The following PTPRD variants were observed in gnomAD, a reference collection of about 807,000 sequenced individuals.
PTPRD encodes the protein protein tyrosine phosphatase receptor type D, also known as receptor-type tyrosine-protein phosphatase delta.
A neutral mutation model predicts 214.5 loss-of-function variants in PTPRD; 34 were observed. The observed-to-expected ratio is 0.16, with a 90% CI of 0.12 to 0.21. PTPRD has a LOEUF of 0.21. Ranked by LOEUF, PTPRD falls within the 10% of genes least tolerant of loss-of-function variation. The pLI, the probability that PTPRD is intolerant of heterozygous loss-of-function variation, is 1.00. For missense variants in PTPRD, 2,545 were observed against 2,398.7 expected (o/e 1.06, Z -1.27); for synonymous variants, 1,128 against 845.7 (o/e 1.33, Z -5.79).
intron 9 of PTPRD, among the ~76,000 whole-genome samples, chr9:9,315,377 C>G (rs1417376663): frequency 6.6e-6 from 1 of 151,822 alleles, no homozygotes; most frequent in Non-Finnish European, 1.5e-5. Context: ...AATATTGCTA[C>G]AAAGTAGATA....
intron 5 of PTPRD, among the ~76,000 whole-genome samples, chr9:9,782,698 G>T (rs544465778): frequency 1.3e-5 from 2 of 152,222 alleles, no homozygotes; most frequent in South Asian, 4.1e-4. Flanking sequence ...GAAACAAAAG[G>T]TTATGTGGGA....
At chr9:9,409,331 A>AT (rs1263954584) in intron 8 of PTPRD, among the ~76,000 whole-genome samples, 1 of 151,962 alleles carries the variant, frequency 6.6e-6, no homozygotes, top group Non-Finnish European at 1.5e-5. Context: ...GAATTAGGTA[A>AT]TTTTTTATGC....
At chr9:8,695,558 T>C (rs1242735756) in intron 12 of PTPRD, among the ~76,000 whole-genome samples, 1 of 152,162 alleles carries the variant, frequency 6.6e-6, no homozygotes, top group Non-Finnish European at 1.5e-5. Context: ...CCAATTTATA[T>C]TCCAAGGAGT....
intron 11 of PTPRD, among the ~76,000 whole-genome samples, chr9:8,940,119 T>C (rs2099022153): frequency 1.3e-5 from 2 of 151,262 alleles, no homozygotes. Context: ...TTTCAGACTG[T>C]AGAATGTCCT....
At chr9:9,367,819 G>A (rs1263470042) in intron 9 of PTPRD, among the ~76,000 whole-genome samples, 1 of 151,650 alleles carries the variant, frequency 6.6e-6, no homozygotes, top group Non-Finnish European at 1.5e-5. Flanking sequence ...AAGAAAAGGT[G>A]ACATTTGTAC....
intron 4 of PTPRD, among the ~76,000 whole-genome samples, chr9:9,977,396 G>T (rs1210963943): frequency 1.3e-5 from 2 of 152,100 alleles, no homozygotes; most frequent in Non-Finnish European, 2.9e-5. Context: ...TATTTCTGAA[G>T]GAGGAGAGCC....
At chr9:10,153,218 A>T (rs972070488) in intron 3 of PTPRD, among the ~76,000 whole-genome samples, 3 of 152,120 alleles carry the variant, frequency 2.0e-5, no homozygotes, top group Admixed American at 6.6e-5. Flanking sequence ...TGTTAATTTG[A>T]TTTAATTATA....
intron 11 of PTPRD, among the ~76,000 whole-genome samples, chr9:8,762,034 G>C (rs571030624): frequency 2.6e-5 from 4 of 152,278 alleles, no homozygotes; most frequent in African/African-American, 4.8e-5. Context: ...GGAAAAGTGA[G>C]TAGGGAGATT....
chr9:10,550,230 T>A (rs1566884093), intron 2 of PTPRD, among the ~76,000 whole-genome samples: 2 of 152,240 alleles, frequency 1.3e-5, no homozygotes, highest in African/African-American at 4.8e-5. Context: ...TCCCCTTTGC[T>A]AAACTATTAA....
intron 7 of PTPRD, among the ~76,000 whole-genome samples, chr9:9,718,335 C>T (rs1376593498): frequency 6.6e-6 from 1 of 152,170 alleles, no homozygotes; most frequent in African/African-American, 2.4e-5. Context: ...AAAATAAACA[C>T]TGACGGCTGC....
intron 12 of PTPRD, among the ~76,000 whole-genome samples, chr9:8,718,416 T>C (rs138137068): frequency 7.9e-5 from 12 of 152,212 alleles, no homozygotes; most frequent in African/African-American, 2.9e-4. Context: ...GAAAAAGAAG[T>C]ATGTGTTGTT....
chr9:10,403,404 T>A (rs924993092), intron 2 of PTPRD, among the ~76,000 whole-genome samples: 6 of 151,146 alleles, frequency 4.0e-5, no homozygotes, highest in Non-Finnish European at 7.4e-5. Context: ...TTAATTTTTT[T>A]AATTTTAAAT....
chr9:9,279,349 T>C, intron 9 of PTPRD, among the ~76,000 whole-genome samples: 1 of 147,506 alleles, frequency 6.8e-6, no homozygotes, highest in East Asian at 2.0e-4. Context: ...AATTTATATA[T>C]ATATATATAT....
intron 11 of PTPRD, among the ~76,000 whole-genome samples, chr9:8,833,965 C>T (rs1008676178): frequency 1.8e-4 from 26 of 141,962 alleles, no homozygotes; most frequent in African/African-American, 6.2e-4. Flanking sequence ...TTTAAAAATT[C>T]ACCTAACAGG....
chr9:8,739,162 C>T (rs1026334594), intron 11 of PTPRD, among the ~76,000 whole-genome samples: 1 of 152,206 alleles, frequency 6.6e-6, no homozygotes, highest in Non-Finnish European at 1.5e-5. Flanking sequence ...GGCCTGGAGC[C>T]TACAGCAAAC....
chr9:8,761,865 T>G (rs1333496898), intron 11 of PTPRD, among the ~76,000 whole-genome samples: 1 of 152,148 alleles, frequency 6.6e-6, no homozygotes, highest in Non-Finnish European at 1.5e-5. Context: ...TTAAATATAT[T>G]TGCAAAGTGG....
chr9:9,718,026 G>T (rs959106866), intron 7 of PTPRD, among the ~76,000 whole-genome samples: 1 of 152,082 alleles, frequency 6.6e-6, no homozygotes, highest in African/African-American at 2.4e-5. Context: ...CTTACCTACT[G>T]GGGTGAAATA....
intron 9 of PTPRD, among the ~76,000 whole-genome samples, chr9:9,205,198 C>T (rs576974508): frequency 5.3e-4 from 81 of 152,186 alleles, no homozygotes; most frequent in African/African-American, 1.8e-3. Context: ...TAGGAAGAAT[C>T]CTTGTTGTTT....
intron 21 of PTPRD, among the ~76,000 whole-genome samples, chr9:8,513,894 A>C (rs2097731369): frequency 6.6e-6 from 1 of 152,204 alleles, no homozygotes; most frequent in South Asian, 2.1e-4. Flanking sequence ...TCATTACATC[A>C]CTATATATCT....
Sources: gnomAD v4.1 joint callset for allele counts (sites outside exome capture counted in the v4.1 genomes callset) on GRCh38, gnomAD v4.1.1 for gene constraint, MANE v1.5 for transcripts, NCBI Gene and HGNC (gene_info 2026-07-23, HGNC 2026-07-21) for gene names.